AK4: variants seen among roughly 807,000 people sequenced by gnomAD.
AK4 encodes the protein adenylate kinase 4.
In AK4, 13 loss-of-function variants were observed where a neutral mutation model predicts 24.6. The observed-to-expected ratio is 0.53, with a 90% CI of 0.34 to 0.84. AK4 has a LOEUF of 0.84. AK4 is among the 40% of genes least tolerant of loss of function. The pLI is 0.01. For synonymous variants in AK4, 88 were observed against 107.0 expected (o/e 0.82, Z 1.10); for missense variants, 192 against 288.2 (o/e 0.67, Z 2.42).
intron 2 of AK4, among the ~76,000 whole-genome samples, chr1:65,199,095 A>G (rs1459649296): frequency 1.3e-5 from 2 of 151,808 alleles, no homozygotes; most frequent in Non-Finnish European, 2.9e-5. Flanking sequence ...TCAAAAAAAA[A>G]AAAAAAAAAG....
chr1:65,152,217 A>G (rs1019586395), intron 1 of AK4, among the ~76,000 whole-genome samples: 3 of 151,058 alleles, frequency 2.0e-5, no homozygotes, highest in Middle Eastern at 3.4e-3. Flanking sequence ...TGGATCTACT[A>G]TCTCAAGTGC....
At chr1:65,193,991 T>C (rs1056122561) in intron 2 of AK4, among the ~76,000 whole-genome samples, 4 of 152,156 alleles carry the variant, frequency 2.6e-5, no homozygotes, top group Admixed American at 6.5e-5. Flanking sequence ...ACTTGGGAGC[T>C]GAGGTGAGAG....
At position 65,218,865 on chromosome 1, in the gene AK4, G is replaced by C. The variant is rs199711184; in HGVS notation, c.377G>C (p.Arg126Pro). 2.2e-5 allele frequency: 36 copies of C among 1,609,674 alleles called. No homozygotes were observed. Among genetic ancestry groups the C allele is most frequent in the Non-Finnish European group, 2.8e-5 (33 of 1,177,976 alleles). Residue 126 changes from arginine (R) to proline (P), a missense_variant, in exon 3 of 5, where the codon CGT becomes CCT. Coordinates refer to ENST00000327299, the MANE Select transcript of AK4 (RefSeq NM_013410.4). ...ACACTTAAAGATCGTCTCAGCCGCCGTTGGATTCACCCTCCTAGCGGAAGG... is the reference window on the plus strand; with the variant it reads ...ACACTTAAAGATCGTCTCAGCCGCCCTTGGATTCACCCTCCTAGCGGAAGG... ...FETLKDRLSRRWIHPPSGRVY... is the reference protein window; with the variant it reads ...FETLKDRLSRPWIHPPSGRVY...
chr1:65,170,295 G>C (rs1650468774), intron 1 of AK4, among the ~76,000 whole-genome samples: 2 of 152,218 alleles, frequency 1.3e-5, no homozygotes, highest in South Asian at 4.1e-4. Context: ...GTGAACCCGG[G>C]AGACGGAGCT....
chr1:65,211,748 C>A (rs1444063488), intron 2 of AK4, among the ~76,000 whole-genome samples: 1 of 152,154 alleles, frequency 6.6e-6, no homozygotes, highest in Non-Finnish European at 1.5e-5. Context: ...TAGCAGTAAA[C>A]AAGAACTTAA....
chr1:65,178,900 AC>A (rs1170130548), intron 1 of AK4, among the ~76,000 whole-genome samples: 2 of 152,130 alleles, frequency 1.3e-5, no homozygotes, highest in African/African-American at 4.8e-5. Flanking sequence ...GATCAGAGAG[AC>A]CTTGAATGCT....
At chr1:65,164,056 T>A (rs1410052948) in intron 1 of AK4, among the ~76,000 whole-genome samples, 2 of 152,198 alleles carry the variant, frequency 1.3e-5, no homozygotes, top group Non-Finnish European at 2.9e-5. Flanking sequence ...GTTTGGACTC[T>A]TGGAGCCAGA....
chr1:65,224,777 C>T lies in AK4; in HGVS notation c.464C>T (p.Pro155Leu), dbSNP rs531228657. The change falls in exon 4 of 5, where the codon CCG (proline) becomes CTG (leucine). Residue 155 changes from proline (P) to leucine (L), a missense_variant. Physicochemically the swap from Pro to Leu is moderately conservative, Grantham distance 98. Transcript: ENST00000327299. ...VHGIDDVTGE[P>L]LVQQEDDKPE... ...GGTATTGATGACGTCACTGGTGAAC[C>T]GTTAGTCCAGCAGGAGGATGATAAA... The T allele has an allele frequency of 1.6e-5, 26 of 1,613,162 alleles. No individual in the cohort carries two copies. The highest frequency in any genetic ancestry group is 2.2e-5 in the East Asian group (1 of 44,872).
At position 65,180,400 on chromosome 1, in the gene AK4, A is replaced by G. The variant is rs531222542; in HGVS notation, c.146-10310A>G. Among the ~76,000 whole-genome samples the G allele has an allele frequency of 2.4e-4, 36 of 152,248 alleles. 1 individual carries two copies. The highest frequency in any genetic ancestry group is 3.4e-3 in the Middle Eastern group (1 of 294). ...AGCAAGTGTCAGAGAGTGATTTAAA[A>G]CTGTATTTTTGGTATGAAGGAAAAG... On this transcript the variant is annotated intron_variant, in intron 1 of 4. Transcript: ENST00000327299.
At chr1:65,204,240 G>A (rs776328113) in intron 2 of AK4, among the ~76,000 whole-genome samples, 9 of 147,942 alleles carry the variant, frequency 6.1e-5, no homozygotes, top group Admixed American at 2.7e-4. Context: ...TCGCTGTGTC[G>A]CCCAGGCTGG....
rs1350467775 is a variant in AK4 at position 65,230,960 on chromosome 1, GGT to G, written c.*4785_*4786del. ...ATTTTGCTAGAGAGGCAATTCATAA[GGT>G]GAGGTCCTGTTCATAGTATGACTTG... On this transcript the variant is annotated 3_prime_UTR_variant, in exon 5 of 5. Coordinates refer to ENST00000327299, the MANE Select transcript of AK4 (RefSeq NM_013410.4). 6.6e-6 allele frequency: 1 copy of G among 152,138 alleles called. No individual in the cohort carries two copies. Among genetic ancestry groups the G allele is most frequent in the African/African-American group, 2.4e-5 (1 of 41,430 alleles). The allele number at this position is 152,138 out of a possible 1,614,324, so 9.4% of individuals were successfully genotyped here. A position where few individuals can be genotyped will look rare whatever the true frequency, so the allele number is the denominator to read the frequency against.
chr1:65,172,063 G>GTGTATATA lies in AK4; in HGVS notation c.146-18646_146-18645insGTATATAT, dbSNP rs1433940516. 3.0e-5 allele frequency among the ~76,000 whole-genome samples: 2 copies of GTGTATATA among 65,746 alleles called. 1 individual carries two copies. The highest frequency in any genetic ancestry group is 7.9e-5 in the Non-Finnish European group (2 of 25,456). The allele number at this position is 65,746 out of a possible 152,430, so 43.1% of individuals were successfully genotyped here. ...GCAACAGAGAGAGACTCCATCTCAA[G>GTGTATATA]TATATATATATATATATATATATAT... On this transcript the variant is annotated intron_variant, in intron 1 of 4. Coordinates refer to ENST00000327299, the MANE Select transcript of AK4 (RefSeq NM_013410.4).
At chr1:65,202,667 A>T (rs1210083329) in intron 2 of AK4, among the ~76,000 whole-genome samples, 1 of 152,052 alleles carries the variant, frequency 6.6e-6, no homozygotes, top group Non-Finnish European at 1.5e-5. Context: ...TGGGAATTGG[A>T]TGAATTAAGA....
chr1:65,187,048 A>G (rs1651122025), intron 1 of AK4, among the ~76,000 whole-genome samples: 1 of 152,132 alleles, frequency 6.6e-6, no homozygotes, highest in African/African-American at 2.4e-5. Flanking sequence ...ACAGAAAACT[A>G]TGATTCCATT....
At chr1:65,204,354 C>T (rs142724813) in intron 2 of AK4, among the ~76,000 whole-genome samples, 42 of 152,140 alleles carry the variant, frequency 2.8e-4, no homozygotes, top group Admixed American at 1.6e-3. Context: ...CACGCACCAC[C>T]GTGACTGGCT....
At chr1:65,157,700 G>A (rs1301390430) in intron 1 of AK4, among the ~76,000 whole-genome samples, 1 of 151,964 alleles carries the variant, frequency 6.6e-6, no homozygotes, top group Non-Finnish European at 1.5e-5. Context: ...GAGGTGGGAG[G>A]ATCACTTGAG....
At chr1:65,198,563 A>T (rs1356068795) in intron 2 of AK4, among the ~76,000 whole-genome samples, 4 of 152,182 alleles carry the variant, frequency 2.6e-5, no homozygotes, top group Non-Finnish European at 5.9e-5. Flanking sequence ...GTTCAGAGAC[A>T]TATATTCAGC....
At chr1:65,219,995 T>C (rs892373539) in intron 3 of AK4, among the ~76,000 whole-genome samples, 1 of 152,364 alleles carries the variant, frequency 6.6e-6, no homozygotes, top group African/African-American at 2.4e-5. Flanking sequence ...TGGAATCATA[T>C]AGTATATCTA....
chr1:65,187,215 C>T (rs1226557279), intron 1 of AK4, among the ~76,000 whole-genome samples: 3 of 151,872 alleles, frequency 2.0e-5, no homozygotes, highest in African/African-American at 7.2e-5. Context: ...GGCATGGTGG[C>T]GGGCGCCTGT....
Sources: allele counts gnomAD v4.1 joint callset (sites outside exome capture counted in the v4.1 genomes callset), GRCh38; gene constraint gnomAD v4.1.1; transcripts MANE v1.5; gene names NCBI Gene and HGNC (gene_info 2026-07-23, HGNC 2026-07-21).